Variants in ARHGEF10 observed in about 807,000 individuals in gnomAD.
ARHGEF10 encodes Rho guanine nucleotide exchange factor (GEF) 10.
ARHGEF10 carries 140 observed loss-of-function variants against 147.4 expected under a neutral mutation model. The ratio of observed to expected loss-of-function variants is 0.95; its 90% CI spans 0.83 to 1.09. The LOEUF (loss-of-function observed/expected upper bound fraction) is 1.09. ARHGEF10 is among the 50% of genes least tolerant of loss of function. ARHGEF10 has a pLI of 0.00. For missense variants in ARHGEF10, 2,222 were observed against 1,752.7 expected, an observed-to-expected ratio of 1.27 and a Z score of -4.78; for synonymous variants, 902 against 695.8, an observed-to-expected ratio of 1.30 and a Z score of -4.67.
intron 11 of ARHGEF10, among the ~76,000 whole-genome samples, chr8:1,889,201 A>AC (rs1809149290): frequency 2.7e-5 from 1 of 37,374 alleles, no homozygotes; most frequent in African/African-American, 2.3e-4. Context: ...GGTGAGGTTT[A>AC]TTAGGAGACA....
intron 18 of ARHGEF10, among the ~76,000 whole-genome samples, chr8:1,916,038 G>A (rs554517064): frequency 4.1e-4 from 62 of 152,370 alleles, no homozygotes; most frequent in Non-Finnish European, 8.5e-4. Flanking sequence ...GGATGGGCCA[G>A]ATGAGTGCCA....
At chr8:1,892,915 C>G (rs1255632153) in intron 11 of ARHGEF10, among the ~76,000 whole-genome samples, 1 of 152,008 alleles carries the variant, frequency 6.6e-6, no homozygotes, top group South Asian at 2.1e-4. Context: ...CTTACAGCCA[C>G]AAGTCTATTG....
intron 11 of ARHGEF10, among the ~76,000 whole-genome samples, chr8:1,886,228 A>C (rs1318221898): frequency 6.6e-6 from 1 of 152,342 alleles, no homozygotes; most frequent in African/African-American, 2.4e-5. Flanking sequence ...AAGGAAGAGA[A>C]AACTTGAGGA....
intron 2 of ARHGEF10, among the ~76,000 whole-genome samples, chr8:1,853,777 C>A (rs1412950187): frequency 2.0e-5 from 3 of 152,230 alleles, no homozygotes; most frequent in Admixed American, 6.5e-5. Context: ...TAGGTCACAG[C>A]CTTCCTTGCC....
At chr8:1,904,981 T>C (rs918660961) in intron 16 of ARHGEF10, among the ~76,000 whole-genome samples, 1 of 151,934 alleles carries the variant, frequency 6.6e-6, no homozygotes, top group Admixed American at 6.6e-5. Flanking sequence ...AGAAACAAAT[T>C]AGCTGGGTGT....
chr8:1,872,170 C>T (rs1807180437), intron 7 of ARHGEF10, among the ~76,000 whole-genome samples: 1 of 151,998 alleles, frequency 6.6e-6, no homozygotes, highest in Admixed American at 6.6e-5. Flanking sequence ...AACTTTTTAT[C>T]AAAAAGTTAG....
chr8:1,936,199 A>G (rs1049501504), intron 26 of ARHGEF10, among the ~76,000 whole-genome samples: 1 of 152,160 alleles, frequency 6.6e-6, no homozygotes, highest in African/African-American at 2.4e-5. Flanking sequence ...TTCACCCAAT[A>G]AAATGGACCA....
chr8:1,937,970 T>C lies in ARHGEF10; in HGVS notation c.3222+4028T>C, dbSNP rs1264043165. 1.3e-5 allele frequency among the ~76,000 whole-genome samples: 2 copies of C among 152,078 alleles called. No homozygotes were observed. The highest frequency in any genetic ancestry group is 4.8e-5 in the African/African-American group (2 of 41,408). On this transcript the variant is annotated intron_variant, in intron 26 of 28. Transcript: ENST00000349830. The surrounding 1 kb of genome is among the most constrained non-coding windows in gnomAD (Gnocchi z 4.9). ...TGGCCCCGTCCCAGCTCTGGCGCCA[T>C]AACAAAGCAGCACTGGGCGAACCAG...
chr8:1,900,718 G>C (rs891221291), intron 15 of ARHGEF10, among the ~76,000 whole-genome samples: 1 of 152,192 alleles, frequency 6.6e-6, no homozygotes, highest in Non-Finnish European at 1.5e-5. Flanking sequence ...CAGAATTCCA[G>C]TTATGTAATA....
At position 1,957,460 on chromosome 8, in the gene ARHGEF10, T is replaced by A; in HGVS notation, c.*197T>A. ...TTCTCTTCTGTACAGCAGAAGTAATTACAAGCACTTCTCACGAAGGCAGAA... is the reference window on the plus strand; with the variant it reads ...TTCTCTTCTGTACAGCAGAAGTAATAACAAGCACTTCTCACGAAGGCAGAA... On this transcript the variant is annotated 3_prime_UTR_variant, in exon 29 of 29. Transcript: ENST00000349830. The A allele has an allele frequency of 1.3e-6, 1 of 764,952 alleles. No homozygotes were observed. Among genetic ancestry groups the A allele is most frequent in the Non-Finnish European group, 2.1e-6 (1 of 486,946 alleles). The allele number at this position is 764,952 out of a possible 1,614,324, so 47.4% of individuals were successfully genotyped here.
chr8:1,860,310 G>A lies in ARHGEF10; in HGVS notation c.481+126G>A, dbSNP rs558430028. ...TGTGGCCTGTGGTTCCGTAGAGTCC[G>A]GGCCTGACCTTCCCCCCTCCTCCTC... is the stretch of plus-strand genomic sequence containing the variant. On this transcript the variant is annotated intron_variant, in intron 4 of 28. Transcript: ENST00000349830. The A allele has an allele frequency of 3.3e-4, 439 of 1,315,360 alleles. 4 individuals carry two copies. In the African/African-American group the frequency reaches 4.6e-3, roughly 14 times the overall value. 81.5% of individuals were successfully genotyped at this position (1,315,360 alleles called of 1,614,324 possible). A position where few individuals can be genotyped will look rare whatever the true frequency, so the allele number is the denominator to read the frequency against.
intron 21 of ARHGEF10, among the ~76,000 whole-genome samples, chr8:1,924,612 G>C (rs1451059130): frequency 6.6e-6 from 1 of 152,216 alleles, no homozygotes; most frequent in Non-Finnish European, 1.5e-5. Flanking sequence ...GTCCCGGACG[G>C]GAAAGCCGTC....
At chr8:1,919,694 T>G (rs944957087) in intron 18 of ARHGEF10, among the ~76,000 whole-genome samples, 23 of 141,368 alleles carry the variant, frequency 1.6e-4, no homozygotes, top group African/African-American at 6.2e-4. Flanking sequence ...ATGAGCTGTT[T>G]TGTGGGTGAT....
intron 7 of ARHGEF10, among the ~76,000 whole-genome samples, chr8:1,872,204 G>A (rs894338882): frequency 6.6e-6 from 1 of 152,114 alleles, no homozygotes; most frequent in African/African-American, 2.4e-5. Context: ...TTGCCTTGAA[G>A]AATCAACTAT....
chr8:1,859,579 G>A (rs377593548), intron 3 of ARHGEF10, among the ~76,000 whole-genome samples: 39 of 151,702 alleles, frequency 2.6e-4, no homozygotes, highest in African/African-American at 8.5e-4. Context: ...CTTGCATGGT[G>A]TTTCTTTGTG....
chr8:1,897,271 A>G (rs1215266007), intron 14 of ARHGEF10, among the ~76,000 whole-genome samples: 1 of 152,248 alleles, frequency 6.6e-6, no homozygotes, highest in Non-Finnish European at 1.5e-5. Context: ...TGCCTTATCC[A>G]GCACGGCGGC....
At position 1,929,530 on chromosome 8, in the gene ARHGEF10, C is replaced by T. The variant is rs561774143; in HGVS notation, c.3079+87C>T. 42 of 1,471,728 alleles carry T rather than the reference C, an allele frequency of 2.9e-5. No homozygotes were observed. In the South Asian group the frequency reaches 3.9e-4, roughly 14 times the overall value. The allele number at this position is 1,471,728 out of a possible 1,614,324, so 91.2% of individuals were successfully genotyped here. A position where few individuals can be genotyped will look rare whatever the true frequency, so the allele number is the denominator to read the frequency against. On this transcript the variant is annotated intron_variant, in intron 25 of 28. Coordinates refer to ENST00000349830, the MANE Select transcript of ARHGEF10 (RefSeq NM_014629.4). The stretch of plus-strand genomic sequence containing the variant: ...CGGTTTAGCCTCCCCACCTCCCCAC[C>T]GGCCTCCTGCCTCCCGCCCCTGTGC...
At chr8:1,872,359 T>A (rs1807198204) in intron 7 of ARHGEF10, among the ~76,000 whole-genome samples, 1 of 152,212 alleles carries the variant, frequency 6.6e-6, no homozygotes, top group African/African-American at 2.4e-5. Context: ...AACCCCTCAG[T>A]CGCATGCACT....
intron 14 of ARHGEF10, among the ~76,000 whole-genome samples, chr8:1,897,980 C>T (rs1266645019): frequency 2.6e-5 from 4 of 152,128 alleles, no homozygotes; most frequent in Admixed American, 1.3e-4. Context: ...CCTGGAGACT[C>T]CCCCCAGGTC....
Sources: allele counts gnomAD v4.1 joint callset (sites outside exome capture counted in the v4.1 genomes callset), GRCh38; gene constraint gnomAD v4.1.1; non-coding constraint Gnocchi (gnomAD v3.1); transcripts MANE v1.5; gene names NCBI Gene and HGNC (gene_info 2026-07-23, HGNC 2026-07-21).